SKAP2: variants seen among roughly 807,000 people sequenced by gnomAD.
SKAP2 encodes the protein src kinase-associated phosphoprotein 2.
SKAP2 carries 28 observed loss-of-function variants against 54.9 expected under a neutral mutation model. The ratio of observed to expected loss-of-function variants is 0.51; its 90% CI spans 0.38 to 0.70. The LOEUF is 0.70. SKAP2 is among the 30% of genes least tolerant of loss of function. The pLI is 0.00. For synonymous variants in SKAP2, 137 were observed against 134.3 expected, an observed-to-expected ratio of 1.02 and a Z score of -0.14; for missense variants, 356 against 424.1, an observed-to-expected ratio of 0.84 and a Z score of 1.41.
At chr7:26,735,770 GA>G (rs1415118347) in intron 6 of SKAP2, among the ~76,000 whole-genome samples, 8 of 151,838 alleles carry the variant, frequency 5.3e-5, no homozygotes, top group Non-Finnish European at 1.0e-4. Flanking sequence ...TTTCACAAAA[GA>G]AAAAAATTAT....
intron 4 of SKAP2, among the ~76,000 whole-genome samples, chr7:26,776,736 T>C (rs1269241319): frequency 2.0e-5 from 3 of 152,202 alleles, no homozygotes; most frequent in African/African-American, 7.2e-5. Context: ...CCATTCTCCA[T>C]ACTTCTGCCA....
chr7:26,784,065 T>C (rs1783485114), intron 4 of SKAP2, among the ~76,000 whole-genome samples: 1 of 151,714 alleles, frequency 6.6e-6, no homozygotes, highest in Admixed American at 6.6e-5. Context: ...CCCTCACTTT[T>C]TCACCCCACT....
chr7:26,725,463 T>C lies in SKAP2; in HGVS notation c.761A>G (p.Gln254Arg). The C allele has an allele frequency of 6.2e-7, 1 of 1,611,948 alleles. No individual in the cohort carries two copies. Among genetic ancestry groups the C allele is most frequent in the Non-Finnish European group, 8.5e-7 (1 of 1,179,320 alleles). The change falls in exon 9 of 13, where the codon CAA (glutamine) becomes CGA (arginine). Residue 254 changes from glutamine to arginine, a missense_variant. Coordinates refer to ENST00000345317, the MANE Select transcript of SKAP2 (RefSeq NM_003930.5). ...LPISNPLTSS[Q>R]PIDDEIYEEL... ...TTCATAAATTTCATCATCTATTGGT[T>C]GACTGCTTGTTAGTGGATTGCTTAT...
At chr7:26,763,932 A>G (rs895586472) in intron 4 of SKAP2, among the ~76,000 whole-genome samples, 6 of 152,172 alleles carry the variant, frequency 3.9e-5, no homozygotes, top group Non-Finnish European at 8.8e-5. Context: ...ACACTATTAT[A>G]AACTTATAAG....
downstream of SKAP2, among the ~76,000 whole-genome samples, chr7:26,664,577 T>C (rs1395215159): frequency 1.3e-5 from 2 of 152,046 alleles, no homozygotes; most frequent in East Asian, 1.9e-4. Flanking sequence ...AAGAAGTAAA[T>C]TGCAGTTCAA....
chr7:26,862,067 CTAAA>C (rs943030489), intron 1 of SKAP2, among the ~76,000 whole-genome samples: 1 of 151,946 alleles, frequency 6.6e-6, no homozygotes, highest in African/African-American at 2.4e-5. Context: ...AAGAAATAGA[CTAAA>C]TAAGCCAGCA....
At chr7:26,844,444 G>C (rs2127995984) in intron 3 of SKAP2, among the ~76,000 whole-genome samples, 1 of 152,110 alleles carries the variant, frequency 6.6e-6, no homozygotes, top group East Asian at 1.9e-4. Flanking sequence ...AAAAGTAGAA[G>C]CAGGGTAAAA....
At chr7:26,718,604 C>A (rs1282664234) in intron 9 of SKAP2, among the ~76,000 whole-genome samples, 4 of 152,100 alleles carry the variant, frequency 2.6e-5, no homozygotes, top group African/African-American at 9.6e-5. Flanking sequence ...CTCCCAGATT[C>A]AAGCAATTCT....
At chr7:26,835,542 C>T (rs1459405640) in intron 4 of SKAP2, among the ~76,000 whole-genome samples, 2 of 152,134 alleles carry the variant, frequency 1.3e-5, no homozygotes, top group Non-Finnish European at 2.9e-5. Flanking sequence ...CATTCCTATA[C>T]ACCAATAATA....
chr7:26,847,518 A>G (rs1383693220), intron 3 of SKAP2, among the ~76,000 whole-genome samples: 2 of 152,210 alleles, frequency 1.3e-5, no homozygotes, highest in Non-Finnish European at 2.9e-5. Flanking sequence ...AAAAAGTTCA[A>G]CTTGCATTTA....
At chr7:26,772,427 T>C (rs747755132) in intron 4 of SKAP2, among the ~76,000 whole-genome samples, 2 of 152,184 alleles carry the variant, frequency 1.3e-5, no homozygotes, top group Non-Finnish European at 2.9e-5. Flanking sequence ...TTCTCATCTC[T>C]GTGTTCATGT....
At chr7:26,751,255 G>A (rs1782675760) in intron 4 of SKAP2, among the ~76,000 whole-genome samples, 1 of 152,046 alleles carries the variant, frequency 6.6e-6, no homozygotes, top group Non-Finnish European at 1.5e-5. Context: ...TTATTGAGGG[G>A]TGGTTAATAT....
rs1784320701 is a variant in SKAP2, at chr7:26,818,630, G to T, written c.307+25400C>A. ...CAGCAGAAGAAACTGTCATCAGAGTGAACAGGCAACCTACAGAATGGGAGA... is the reference window on the plus strand; with the variant it reads ...CAGCAGAAGAAACTGTCATCAGAGTTAACAGGCAACCTACAGAATGGGAGA... On this transcript the variant is annotated intron_variant, in intron 4 of 12. Transcript: ENST00000345317. Among the ~76,000 whole-genome samples the T allele has an allele frequency of 3.3e-5, 5 of 152,262 alleles. No homozygotes were observed. In the South Asian group the frequency reaches 1.0e-3, roughly 32 times the overall value.
intron 8 of SKAP2, 28 bp downstream of exon 8, chr7:26,725,895 G>A (rs770585044): frequency 6.4e-7 from 1 of 1,559,468 alleles, no homozygotes; most frequent in Non-Finnish European, 8.8e-7. Flanking sequence ...TAAAGACTGT[G>A]ATAACTTGTT....
At chr7:26,783,281 C>G (rs1218282515) in intron 4 of SKAP2, among the ~76,000 whole-genome samples, 1 of 152,128 alleles carries the variant, frequency 6.6e-6, no homozygotes, top group African/African-American at 2.4e-5. Flanking sequence ...CTAAGAATAT[C>G]TTGTTTGTTC....
At chr7:26,749,260 G>A (rs1427911397) in intron 4 of SKAP2, among the ~76,000 whole-genome samples, 1 of 152,040 alleles carries the variant, frequency 6.6e-6, no homozygotes, top group Non-Finnish European at 1.5e-5. Context: ...ACATAATAAA[G>A]ATTAGCATAA....
intron 9 of SKAP2, among the ~76,000 whole-genome samples, chr7:26,724,748 G>A (rs1787661339): frequency 6.6e-6 from 1 of 151,996 alleles, no homozygotes; most frequent in African/African-American, 2.4e-5. Context: ...CTAAATTTCA[G>A]ATGTCTTTTT....
At position 26,851,221 on chromosome 7, in the gene SKAP2, C is replaced by T. The variant is rs939595991; in HGVS notation, c.199+2916G>A. On this transcript the variant is annotated intron_variant, in intron 3 of 12. Coordinates refer to ENST00000345317, the MANE Select transcript of SKAP2 (RefSeq NM_003930.5). ...TCTCTTTAGCCCAGGAACTCGAGAC[C>T]AGTCTGTGACACGTGGCGAAACCCC... 5.6e-5 allele frequency among the ~76,000 whole-genome samples: 8 copies of T among 142,714 alleles called. 1 individual carries two copies. The highest frequency in any genetic ancestry group is 2.1e-4 in the African/African-American group (8 of 38,098). The allele number at this position is 142,714 out of a possible 152,430, so 93.6% of individuals were successfully genotyped here.
chr7:26,683,051 C>T lies in SKAP2; in HGVS notation c.987+1685G>A, dbSNP rs542159762. Among the ~76,000 whole-genome samples, 5 of 152,258 alleles carry T rather than the reference C, an allele frequency of 3.3e-5. No individual in the cohort carries two copies. The East Asian group carries it at 7.7e-4, about 24-fold the overall frequency. Reference sequence around the variant, plus strand: ...ATGGGCTTTATAAATTTCATATTTACAAAAGGAGTATAATAGCTATATGCC... The same window carrying T: ...ATGGGCTTTATAAATTTCATATTTATAAAAGGAGTATAATAGCTATATGCC... On this transcript the variant is annotated intron_variant, in intron 11 of 12. Coordinates refer to ENST00000345317, the MANE Select transcript of SKAP2 (RefSeq NM_003930.5).
Sources: allele counts gnomAD v4.1 joint callset (sites outside exome capture counted in the v4.1 genomes callset), GRCh38; gene constraint gnomAD v4.1.1; transcripts MANE v1.5; gene names NCBI Gene and HGNC (gene_info 2026-07-23, HGNC 2026-07-21).